COL5A2: variants seen among roughly 807,000 people sequenced by gnomAD.
COL5A2 encodes collagen type V alpha 2 chain, also known as collagen alpha-2(V) chain.
COL5A2 carries 23 observed loss-of-function variants against 208.2 expected under a neutral mutation model. That is an observed-to-expected ratio of 0.11 (90% CI 0.08 to 0.16). COL5A2 has a LOEUF of 0.16. Among genes scored for constraint, COL5A2 ranks in the 10% least tolerant of loss-of-function variants. COL5A2 has a pLI of 1.00. For synonymous variants in COL5A2, 625 were observed against 628.5 expected (o/e 0.99, Z 0.08); for missense variants, 1,590 against 1,956.4 (o/e 0.81, Z 3.53).
the COL5A2 span, among the ~76,000 whole-genome samples, chr2:189,252,819 C>G: frequency 3.9e-5 from 6 of 151,944 alleles, no homozygotes; most frequent in African/African-American, 1.2e-4. Context: ...GACTCTAGAA[C>G]TGCTCTAGTT....
the COL5A2 span, among the ~76,000 whole-genome samples, chr2:189,322,937 C>A: frequency 2.0e-5 from 3 of 152,120 alleles, no homozygotes; most frequent in Non-Finnish European, 2.9e-5. Context: ...AAAATAGTGG[C>A]AAACTGAATC....
chr2:189,189,456 G>A (rs181123467), intron 1 of COL5A2, among the ~76,000 whole-genome samples: 46 of 152,226 alleles, frequency 3.0e-4, no homozygotes, highest in African/African-American at 1.0e-3. Context: ...GGCCAAGGCC[G>A]GAGAATCACC....
At chr2:189,172,968 C>CTTTTTTTTT (rs11286911) in intron 1 of COL5A2, among the ~76,000 whole-genome samples, 2 of 96,528 alleles carry the variant, frequency 2.1e-5, no homozygotes, top group Admixed American at 1.3e-4. Flanking sequence ...TTTTCCTCTT[C>CTTTTTTTTT]TTTTTTTTTT....
chr2:189,038,406 C>T (rs1685485900), intron 51 of COL5A2, among the ~76,000 whole-genome samples: 1 of 152,016 alleles, frequency 6.6e-6, no homozygotes, highest in Admixed American at 6.5e-5. Context: ...ATATATGTAC[C>T]ACATTTTCTT....
the COL5A2 span, among the ~76,000 whole-genome samples, chr2:189,407,845 CT>C: frequency 1.3e-5 from 2 of 152,106 alleles, no homozygotes; most frequent in Non-Finnish European, 2.9e-5. Flanking sequence ...AACAGTTGAC[CT>C]GTAGTCAGGA....
chr2:189,126,830 T>G (rs1347859847), intron 1 of COL5A2, among the ~76,000 whole-genome samples: 1 of 152,086 alleles, frequency 6.6e-6, no homozygotes, highest in African/African-American at 2.4e-5. Flanking sequence ...CATGGAATGC[T>G]AAGGCCATGA....
At chr2:189,105,196 G>A (rs186913490) in intron 2 of COL5A2, among the ~76,000 whole-genome samples, 8 of 151,810 alleles carry the variant, frequency 5.3e-5, no homozygotes, top group East Asian at 3.9e-4. Context: ...TTACGTATAC[G>A]CTACATGCAA....
chr2:189,049,091 G>A (rs1685729242), intron 44 of COL5A2, among the ~76,000 whole-genome samples: 1 of 152,066 alleles, frequency 6.6e-6, no homozygotes, highest in Non-Finnish European at 1.5e-5. Flanking sequence ...AAACAGTTTG[G>A]CAACAGCTTA....
the COL5A2 span, among the ~76,000 whole-genome samples, chr2:189,308,392 A>T: frequency 1.3e-5 from 2 of 152,074 alleles, no homozygotes; most frequent in Non-Finnish European, 2.9e-5. Context: ...GCATCACATA[A>T]CAGATAGCCG....
chr2:189,357,993 C>G, the COL5A2 span, among the ~76,000 whole-genome samples: 1 of 152,116 alleles, frequency 6.6e-6, no homozygotes, highest in African/African-American at 2.4e-5. Context: ...CCCATGACCC[C>G]TTGCACCTCC....
Position 189,062,153 on chromosome 2 carries a change from T to A in COL5A2, c.1978-538A>T, listed in dbSNP as rs561323000. Among the ~76,000 whole-genome samples the A allele has an allele frequency of 2.7e-5, 4 of 149,844 alleles. No homozygotes were observed. The East Asian group carries it at 7.9e-4, about 30-fold the overall frequency. ...ATAGACCTCAAAGAATAAGTATTAT[T>A]CCTTTTATGTCCTAAAAAATACCTT... On this transcript the variant is annotated intron_variant, in intron 29 of 53. Transcript: ENST00000374866.
At chr2:189,068,987 T>C in intron 18 of COL5A2, 103 bp from the exon 19 acceptor site, 1 of 818,184 alleles carries the variant, frequency 1.2e-6, no homozygotes, top group African/African-American at 1.7e-5. Flanking sequence ...ACCCAAATAC[T>C]GAAAGAGGCC....
the COL5A2 span, among the ~76,000 whole-genome samples, chr2:189,396,758 C>G: frequency 6.7e-6 from 1 of 150,214 alleles, no homozygotes; most frequent in South Asian, 2.1e-4. Context: ...CCGAGGCGGG[C>G]AGATCACCCA....
At chr2:189,337,035 T>C in the COL5A2 span, among the ~76,000 whole-genome samples, 4 of 152,206 alleles carry the variant, frequency 2.6e-5, no homozygotes, top group Non-Finnish European at 4.4e-5. Flanking sequence ...ATACCATGTT[T>C]GTAAGATATG....
At chr2:189,101,887 A>G (rs945079596) in intron 3 of COL5A2, among the ~76,000 whole-genome samples, 1 of 152,114 alleles carries the variant, frequency 6.6e-6, no homozygotes, top group South Asian at 2.1e-4. Context: ...AGCCTAGGAC[A>G]AGAAAGAATC....
At chr2:189,185,555 A>AAAAAAAAT (rs950899838) in intron 1 of COL5A2, among the ~76,000 whole-genome samples, 1 of 152,200 alleles carries the variant, frequency 6.6e-6, no homozygotes, top group African/African-American at 2.4e-5. Flanking sequence ...AAATTGAGGA[A>AAAAAAAAT]GACACTCTGC....
the COL5A2 span, among the ~76,000 whole-genome samples, chr2:189,418,769 CTGA>C: frequency 1.3e-5 from 2 of 152,248 alleles, no homozygotes; most frequent in Non-Finnish European, 2.9e-5. Flanking sequence ...AGCATGTAAT[CTGA>C]TGTTATGGTT....
At chr2:189,098,973 G>A (rs190698652) in intron 4 of COL5A2, among the ~76,000 whole-genome samples, 1 of 152,246 alleles carries the variant, frequency 6.6e-6, no homozygotes, top group East Asian at 1.9e-4. Flanking sequence ...ATGATAAAGA[G>A]CACCAACACT....
upstream of COL5A2, among the ~76,000 whole-genome samples, chr2:189,184,671 T>C (rs1052416535): frequency 6.6e-6 from 1 of 152,224 alleles, no homozygotes; most frequent in South Asian, 2.1e-4. Flanking sequence ...TACAGACCCA[T>C]GTGACTACAT....
Sources: gnomAD v4.1 joint callset for allele counts (sites outside exome capture counted in the v4.1 genomes callset) on GRCh38, gnomAD v4.1.1 for gene constraint, MANE v1.5 for transcripts, NCBI Gene and HGNC (gene_info 2026-07-23, HGNC 2026-07-21) for gene names.